The following NXPE2 variants were observed in gnomAD, a reference collection of about 807,000 sequenced individuals.
NXPE2 encodes the protein NXPE family member 2.
A neutral mutation model predicts 34.4 loss-of-function variants in NXPE2; 34 were observed. The observed-to-expected ratio is 0.99, with a 90% CI of 0.75 to 1.31. NXPE2 has a LOEUF of 1.31. Ranked by LOEUF, NXPE2 falls within the 40% of genes most tolerant of loss-of-function variation. The pLI, the probability that NXPE2 is intolerant of heterozygous loss-of-function variation, is 0.00. For synonymous variants in NXPE2, 235 were observed against 231.3 expected, an observed-to-expected ratio of 1.02 and a Z score of -0.15; for missense variants, 649 against 672.5, an observed-to-expected ratio of 0.97 and a Z score of 0.39.
the NXPE2 span, among the ~76,000 whole-genome samples, chr11:114,738,859 A>T: frequency 6.6e-6 from 1 of 152,078 alleles, no homozygotes; most frequent in Non-Finnish European, 1.5e-5. Flanking sequence ...GTCCCTACAC[A>T]TGCCCATTAT....
At chr11:114,515,538 C>G in the NXPE2 span, among the ~76,000 whole-genome samples, 1 of 152,054 alleles carries the variant, frequency 6.6e-6, no homozygotes, top group Admixed American at 6.5e-5. Flanking sequence ...AAATAATTAA[C>G]TGTAGGGCCC....
the NXPE2 span, among the ~76,000 whole-genome samples, chr11:114,561,234 A>G: frequency 0.42 from 63,405 of 151,982 alleles, 14,010 homozygotes; most frequent in East Asian, 0.66. Context: ...ACAGTTTCTG[A>G]CACTTAGTTT....
chr11:114,731,981 CT>C, the NXPE2 span, among the ~76,000 whole-genome samples: 1 of 152,140 alleles, frequency 6.6e-6, no homozygotes, highest in African/African-American at 2.4e-5. Flanking sequence ...CTGTGTAACT[CT>C]CGTCTTGGGA....
chr11:114,671,749 G>T, the NXPE2 span, among the ~76,000 whole-genome samples: 2 of 152,038 alleles, frequency 1.3e-5, no homozygotes, highest in Admixed American at 6.6e-5. Flanking sequence ...AAACAAAACT[G>T]AGAGCATTCA....
chr11:114,799,348 A>G, the NXPE2 span, among the ~76,000 whole-genome samples: 1 of 151,578 alleles, frequency 6.6e-6, no homozygotes, highest in African/African-American at 2.4e-5. Context: ...CTGGGAAAAG[A>G]TAAGGTTGGC....
chr11:114,678,670 TG>T (rs1297624094), intron 1 of NXPE2, 69 bp downstream of exon 1: 2 of 1,289,502 alleles, frequency 1.6e-6, no homozygotes, highest in African/African-American at 3.0e-5. Context: ...ATAGACCATT[TG>T]GTGTTTTTCA....
At chr11:114,811,648 T>C in the NXPE2 span, among the ~76,000 whole-genome samples, 10 of 152,096 alleles carry the variant, frequency 6.6e-5, no homozygotes, top group African/African-American at 2.4e-4. Context: ...CACTGGGGAC[T>C]TACAAGTGCA....
At chr11:114,679,600 G>A in intron 1 of NXPE2, 57 bp from the exon 2 acceptor site, 1 of 1,088,958 alleles carries the variant, frequency 9.2e-7, no homozygotes, top group Admixed American at 2.1e-5. Context: ...AAAGTGTACG[G>A]AGCCATGTCG....
At chr11:114,660,171 A>G in the NXPE2 span, among the ~76,000 whole-genome samples, 2 of 152,096 alleles carry the variant, frequency 1.3e-5, no homozygotes, top group Admixed American at 1.3e-4. Context: ...AGGATTTTTC[A>G]TAATTCCTAA....
chr11:114,788,722 T>C, the NXPE2 span, among the ~76,000 whole-genome samples: 3 of 152,348 alleles, frequency 2.0e-5, no homozygotes, highest in South Asian at 6.2e-4. Flanking sequence ...TCAGGTCCAT[T>C]GTCTGTGAAG....
At chr11:114,669,444 A>G in the NXPE2 span, among the ~76,000 whole-genome samples, 7 of 152,220 alleles carry the variant, frequency 4.6e-5, no homozygotes, top group Admixed American at 2.0e-4. Flanking sequence ...AGGGTAAGAT[A>G]TCCCTTTTCA....
At chr11:114,747,778 A>T in the NXPE2 span, among the ~76,000 whole-genome samples, 1 of 152,208 alleles carries the variant, frequency 6.6e-6, no homozygotes, top group African/African-American at 2.4e-5. Flanking sequence ...TTGGGTGAGG[A>T]CACAGCGCCA....
At chr11:114,743,817 G>A in the NXPE2 span, among the ~76,000 whole-genome samples, 3 of 150,914 alleles carry the variant, frequency 2.0e-5, no homozygotes, top group Non-Finnish European at 1.5e-5. Flanking sequence ...GTATGTGTGT[G>A]TATATATATA....
the NXPE2 span, among the ~76,000 whole-genome samples, chr11:114,757,292 T>G: frequency 6.6e-6 from 1 of 152,114 alleles, no homozygotes; most frequent in African/African-American, 2.4e-5. Flanking sequence ...CCCTTACTAA[T>G]TATGTATTTG....
the NXPE2 span, among the ~76,000 whole-genome samples, chr11:114,720,368 A>T: frequency 0.011 from 1,676 of 152,334 alleles, 6 homozygotes; most frequent in African/African-American, 0.017. Context: ...ATCCCTTGAT[A>T]TATCTGAAGG....
chr11:114,520,913 A>G, the NXPE2 span, among the ~76,000 whole-genome samples: 1 of 152,326 alleles, frequency 6.6e-6, no homozygotes, highest in Non-Finnish European at 1.5e-5. Context: ...TGCTGTTACA[A>G]AGCTTTAAAA....
At chr11:114,487,842 C>T in the NXPE2 span, among the ~76,000 whole-genome samples, 1 of 152,104 alleles carries the variant, frequency 6.6e-6, no homozygotes, top group Non-Finnish European at 1.5e-5. Flanking sequence ...CCTTGCGTCC[C>T]TGGGATAAAT....
the NXPE2 span, among the ~76,000 whole-genome samples, chr11:114,634,241 T>C: frequency 6.6e-6 from 1 of 151,994 alleles, no homozygotes; most frequent in African/African-American, 2.4e-5. Flanking sequence ...TCATGTGTTT[T>C]TTGGCTGCAT....
chr11:114,673,362 C>T, the NXPE2 span, among the ~76,000 whole-genome samples: 2 of 151,164 alleles, frequency 1.3e-5, no homozygotes, highest in Non-Finnish European at 1.5e-5. Context: ...TGTTCACACC[C>T]ATATTAAAAA....
Sources: allele counts gnomAD v4.1 joint callset (sites outside exome capture counted in the v4.1 genomes callset), GRCh38; gene constraint gnomAD v4.1.1; transcripts MANE v1.5; gene names NCBI Gene and HGNC (gene_info 2026-07-23, HGNC 2026-07-21).